Variants in KCNH1 observed in about 807,000 individuals in gnomAD.
KCNH1 encodes voltage-gated delayed rectifier potassium channel KCNH1.
In KCNH1, 27 loss-of-function variants were observed where a neutral mutation model predicts 69.2. That is an observed-to-expected ratio of 0.39 (90% CI 0.29 to 0.54). The LOEUF is 0.54. Among genes scored for constraint, KCNH1 ranks in the 20% least tolerant of loss-of-function variants. The probability of loss-of-function intolerance (pLI) is 0.68; values close to 1 mark genes in which losing one functional copy is unlikely to be tolerated. For synonymous variants in KCNH1, 456 were observed against 487.7 expected (o/e 0.93, Z 0.86); for missense variants, 798 against 1,261.6 (o/e 0.63, Z 5.57).
chr1:210,949,041 A>G (rs886412634), intron 6 of KCNH1, among the ~76,000 whole-genome samples: 2 of 152,162 alleles, frequency 1.3e-5, no homozygotes, highest in African/African-American at 2.4e-5. Context: ...ATGGTGGGTT[A>G]GATTTGCCCT....
chr1:211,033,738 G>A (rs1343192850), intron 5 of KCNH1, among the ~76,000 whole-genome samples: 1 of 152,048 alleles, frequency 6.6e-6, no homozygotes, highest in African/African-American at 2.4e-5. Flanking sequence ...CACAGGAAGG[G>A]GAACATCACA....
intron 7 of KCNH1, among the ~76,000 whole-genome samples, chr1:210,837,199 A>G (rs1389608395): frequency 1.3e-5 from 2 of 152,138 alleles, no homozygotes; most frequent in Admixed American, 6.5e-5. Flanking sequence ...CAGTCTGGCT[A>G]ACTCCCTTCA....
rs752604694 is a variant in KCNH1, at chr1:210,797,652, G to A, written c.1771C>T (p.Arg591Trp). 6.2e-7 allele frequency: 1 copy of A among 1,614,222 alleles called. No individual in the cohort carries two copies. Among genetic ancestry groups the A allele is most frequent in the Non-Finnish European group, 8.5e-7 (1 of 1,180,034 alleles). Residue 591 changes from arginine (R) to tryptophan (W), a missense_variant, in exon 9 of 11, where the codon CGG becomes TGG. Arg to Trp is a moderately radical substitution (Grantham distance 101). Transcript: ENST00000271751. The part of the protein sequence containing the change: ...AFRLASDGCL[R>W]ALAMEFQTVH... Reference sequence around the variant, plus strand: ...GTCTGGAACTCCATGGCCAGTGCCCGGAGGCAGCCATCACTGGCCAGCCGG... The same window carrying A: ...GTCTGGAACTCCATGGCCAGTGCCCAGAGGCAGCCATCACTGGCCAGCCGG...
intron 5 of KCNH1, among the ~76,000 whole-genome samples, chr1:211,060,218 G>A (rs112771454): frequency 1.3e-5 from 2 of 151,646 alleles, no homozygotes; most frequent in African/African-American, 4.8e-5. Context: ...CAAAACCTAT[G>A]GGATACAGCA....
intron 7 of KCNH1, among the ~76,000 whole-genome samples, chr1:210,894,851 T>C (rs1686830518): frequency 6.6e-6 from 1 of 152,190 alleles, no homozygotes; most frequent in South Asian, 2.1e-4. Flanking sequence ...ATAAACTCTT[T>C]TCTTTTTAAA....
At chr1:211,015,062 G>A (rs371039932) in intron 6 of KCNH1, among the ~76,000 whole-genome samples, 3 of 152,074 alleles carry the variant, frequency 2.0e-5, no homozygotes, top group African/African-American at 4.8e-5. Context: ...TTCACTAAAG[G>A]ACTATGCCTG....
chr1:210,988,175 G>A (rs781252980), intron 6 of KCNH1, among the ~76,000 whole-genome samples: 8 of 152,272 alleles, frequency 5.3e-5, no homozygotes, highest in East Asian at 3.9e-4. Context: ...TCCAGGTGCC[G>A]TCTGTCACCC....
At chr1:210,755,492 C>T (rs544511032) in intron 10 of KCNH1, among the ~76,000 whole-genome samples, 10 of 152,320 alleles carry the variant, frequency 6.6e-5, no homozygotes, top group East Asian at 3.9e-4. Flanking sequence ...AGCCACTCCG[C>T]GGCTACATTC....
At chr1:210,917,284 G>GAAAGAAAGA (rs1248645074) in intron 7 of KCNH1, among the ~76,000 whole-genome samples, 1 of 137,792 alleles carries the variant, frequency 7.3e-6, no homozygotes, top group African/African-American at 2.7e-5. Context: ...AGAAAGAAAA[G>GAAAGAAAGA]AAAAGAAAGA....
chr1:211,002,721 A>T (rs948283562), intron 6 of KCNH1, among the ~76,000 whole-genome samples: 1 of 152,228 alleles, frequency 6.6e-6, no homozygotes. Flanking sequence ...AGCCAAACTG[A>T]AGAGTATCAG....
intron 4 of KCNH1, among the ~76,000 whole-genome samples, chr1:211,085,000 A>G (rs1172140451): frequency 6.6e-6 from 1 of 152,242 alleles, no homozygotes; most frequent in Non-Finnish European, 1.5e-5. Context: ...AGGGATGAGT[A>G]CAGAATGCTG....
chr1:211,011,136 C>A (rs1689384478), intron 6 of KCNH1, among the ~76,000 whole-genome samples: 1 of 152,110 alleles, frequency 6.6e-6, no homozygotes, highest in African/African-American at 2.4e-5. Context: ...CCTACCCCCA[C>A]AACCCCCAAC....
chr1:211,047,578 T>C (rs901937975), intron 5 of KCNH1, among the ~76,000 whole-genome samples: 11 of 152,088 alleles, frequency 7.2e-5, no homozygotes, highest in African/African-American at 2.7e-4. Context: ...CAAGTCAAGA[T>C]CTCCATGCCT....
chr1:210,959,730 C>T (rs1163939682), intron 6 of KCNH1, among the ~76,000 whole-genome samples: 1 of 152,234 alleles, frequency 6.6e-6, no homozygotes, highest in East Asian at 1.9e-4. Context: ...AGGAGAGAAT[C>T]TCCTGGTCTG....
chr1:210,761,071 T>C (rs1683507256), intron 10 of KCNH1, among the ~76,000 whole-genome samples: 1 of 150,022 alleles, frequency 6.7e-6, no homozygotes, highest in African/African-American at 2.4e-5. Context: ...GCTAAAATGG[T>C]GAAACCCCGT....
At chr1:210,736,255 A>G (rs1217561714) in intron 10 of KCNH1, among the ~76,000 whole-genome samples, 5 of 152,116 alleles carry the variant, frequency 3.3e-5, no homozygotes, top group Non-Finnish European at 2.9e-5. Context: ...ATTTTTTTAA[A>G]TGGGATGTTC....
At chr1:211,009,013 G>A (rs562090785) in intron 6 of KCNH1, among the ~76,000 whole-genome samples, 1 of 152,246 alleles carries the variant, frequency 6.6e-6, no homozygotes, top group East Asian at 1.9e-4. Context: ...GGCCATTTAG[G>A]GGAAGAATAT....
intron 9 of KCNH1, among the ~76,000 whole-genome samples, chr1:210,786,573 G>A (rs148913103): frequency 0.011 from 1,614 of 151,768 alleles, 14 homozygotes; most frequent in South Asian, 0.023. Context: ...TCTCTCCCTC[G>A]TCTCCCTGGG....
intron 5 of KCNH1, among the ~76,000 whole-genome samples, chr1:211,060,690 C>T (rs886659773): frequency 5.9e-5 from 9 of 151,834 alleles, no homozygotes; most frequent in African/African-American, 1.9e-4. Flanking sequence ...CAATTATATG[C>T]CAATAAATTG....
Sources: gnomAD v4.1 joint callset for allele counts (sites outside exome capture counted in the v4.1 genomes callset) on GRCh38, gnomAD v4.1.1 for gene constraint, MANE v1.5 for transcripts, NCBI Gene and HGNC (gene_info 2026-07-23, HGNC 2026-07-21) for gene names.